Variants in ST18 observed in about 807,000 individuals in gnomAD.
ST18 encodes suppression of tumorigenicity 18 protein.
Under a neutral mutation model 110.0 loss-of-function variants are expected in ST18, and 50 were observed. The observed-to-expected ratio is 0.45, with a 90% CI of 0.36 to 0.58. ST18 has a LOEUF of 0.58. ST18 is among the 20% of genes least tolerant of loss of function. The pLI, the probability that ST18 is intolerant of heterozygous loss-of-function variation, is 0.00. For synonymous variants in ST18, 461 were observed against 452.4 expected, an observed-to-expected ratio of 1.02 and a Z score of -0.24; for missense variants, 1,306 against 1,280.1, an observed-to-expected ratio of 1.02 and a Z score of -0.31.
At chr8:52,234,088 A>T (rs1303222249) in intron 2 of ST18, among the ~76,000 whole-genome samples, 2 of 152,146 alleles carry the variant, frequency 1.3e-5, no homozygotes, top group Non-Finnish European at 2.9e-5. Context: ...CAGATTATGT[A>T]TTTTTTGGCT....
rs1031635600 is a variant in ST18 at position 52,167,059 on chromosome 8, C to A, written c.1070-73G>T. On this transcript the variant is annotated intron_variant, in intron 10 of 25. Coordinates refer to ENST00000689386, the MANE Select transcript of ST18 (RefSeq NM_001352837.2). ...CTTCCCATTCAATAGAATGGCCTTGCAGGGTGACATTCTCACTTTATTCAG... is the reference window on the plus strand; with the variant it reads ...CTTCCCATTCAATAGAATGGCCTTGAAGGGTGACATTCTCACTTTATTCAG... 3.9e-6 allele frequency: 6 copies of A among 1,519,098 alleles called. No homozygotes were observed. In the East Asian group the frequency reaches 1.4e-4, roughly 35 times the overall value. The allele number at this position is 1,519,098 out of a possible 1,614,324, so 94.1% of individuals were successfully genotyped here. A position where few individuals can be genotyped will look rare whatever the true frequency, so the allele number is the denominator to read the frequency against.
intron 2 of ST18, among the ~76,000 whole-genome samples, chr8:52,259,642 T>G (rs1394150022): frequency 6.6e-6 from 1 of 152,208 alleles, no homozygotes; most frequent in Non-Finnish European, 1.5e-5. Context: ...CTTATTCTAG[T>G]GCTTATATTA....
At chr8:52,139,806 T>C (rs182767094) in intron 17 of ST18, among the ~76,000 whole-genome samples, 15 of 152,310 alleles carry the variant, frequency 9.8e-5, no homozygotes, top group Admixed American at 7.2e-4. Flanking sequence ...AGTTTGGTTG[T>C]ATTAAAAGGT....
chr8:52,122,539 G>A, intron 23 of ST18, among the ~76,000 whole-genome samples: 1 of 151,966 alleles, frequency 6.6e-6, no homozygotes, highest in African/African-American at 2.4e-5. Flanking sequence ...CTGGAGTGCA[G>A]TGGCACGATC....
intron 22 of ST18, among the ~76,000 whole-genome samples, chr8:52,130,098 G>T (rs867851993): frequency 3.0e-5 from 2 of 67,134 alleles, no homozygotes; most frequent in African/African-American, 1.2e-4. Context: ...GAAAGAAAAA[G>T]AAAGAAAGAA....
intron 5 of ST18, among the ~76,000 whole-genome samples, chr8:52,219,522 T>C (rs1280592190): frequency 6.6e-6 from 1 of 152,226 alleles, no homozygotes; most frequent in Non-Finnish European, 1.5e-5. Context: ...CCTCTTATTT[T>C]ACTGTCTTTG....
chr8:52,363,206 A>G (rs1156551721), intron 2 of ST18, among the ~76,000 whole-genome samples: 1 of 152,082 alleles, frequency 6.6e-6, no homozygotes, highest in East Asian at 1.9e-4. Context: ...GCGAGACTCC[A>G]TCTCAAAAAA....
At chr8:52,330,337 A>G (rs930279873) in intron 2 of ST18, among the ~76,000 whole-genome samples, 3 of 152,198 alleles carry the variant, frequency 2.0e-5, no homozygotes, top group Admixed American at 2.0e-4. Flanking sequence ...GGCGTTAATT[A>G]ATTAATACTA....
intron 2 of ST18, among the ~76,000 whole-genome samples, chr8:52,375,063 C>T (rs1158644638): frequency 1.3e-5 from 2 of 152,072 alleles, no homozygotes; most frequent in Non-Finnish European, 2.9e-5. Flanking sequence ...TCAACTTGAT[C>T]CTGTCTCCCC....
intron 2 of ST18, among the ~76,000 whole-genome samples, chr8:52,283,500 A>G (rs750037657): frequency 2.0e-5 from 3 of 152,198 alleles, no homozygotes; most frequent in Non-Finnish European, 4.4e-5. Flanking sequence ...GAAAATGAGG[A>G]GATGGCAGTG....
At chr8:52,351,077 T>C (rs925730178) in intron 2 of ST18, among the ~76,000 whole-genome samples, 2 of 152,160 alleles carry the variant, frequency 1.3e-5, no homozygotes, top group African/African-American at 4.8e-5. Flanking sequence ...AGATAATAAG[T>C]CTGTCTTGGT....
intron 5 of ST18, 27 bp from the exon 6 acceptor site, chr8:52,217,928 A>G (rs925431142): frequency 1.3e-5 from 2 of 152,210 alleles, no homozygotes; most frequent in Non-Finnish European, 2.9e-5. Context: ...AAGAGATTCA[A>G]GGAGCAGGAC....
chr8:52,345,432 G>C (rs915647252), intron 2 of ST18, among the ~76,000 whole-genome samples: 4 of 152,270 alleles, frequency 2.6e-5, no homozygotes, highest in African/African-American at 9.6e-5. Flanking sequence ...GCAGATGAGA[G>C]AGGATGGATG....
At chr8:52,221,005 A>C (rs2086441702) in intron 4 of ST18, among the ~76,000 whole-genome samples, 157 bp from the exon 5 acceptor site, 1 of 152,290 alleles carries the variant, frequency 6.6e-6, no homozygotes, top group East Asian at 1.9e-4. Context: ...TTTTTATACT[A>C]TGTATCAATG....
At chr8:52,280,894 C>G (rs73679030) in intron 2 of ST18, among the ~76,000 whole-genome samples, 1 of 151,770 alleles carries the variant, frequency 6.6e-6, no homozygotes, top group African/African-American at 2.4e-5. Flanking sequence ...CACATATACC[C>G]CCAGTATTCT....
intron 2 of ST18, among the ~76,000 whole-genome samples, chr8:52,275,441 C>A (rs2095213639): frequency 1.3e-5 from 2 of 152,150 alleles, no homozygotes; most frequent in South Asian, 4.1e-4. Context: ...TGTCTCAGGG[C>A]ATTTGGTGTG....
chr8:52,119,740 G>C (rs1258726707), intron 23 of ST18, among the ~76,000 whole-genome samples: 2 of 152,110 alleles, frequency 1.3e-5, no homozygotes, highest in African/African-American at 4.8e-5. Flanking sequence ...GTAATTTAGT[G>C]CGAAGAGAAA....
chr8:52,351,193 A>G (rs898610797), intron 2 of ST18, among the ~76,000 whole-genome samples: 1 of 152,220 alleles, frequency 6.6e-6, no homozygotes, highest in Non-Finnish European at 1.5e-5. Context: ...TATGAAATGG[A>G]TCATTTCAGA....
chr8:52,168,755 G>T (rs1298404875), intron 10 of ST18, among the ~76,000 whole-genome samples: 2 of 152,106 alleles, frequency 1.3e-5, no homozygotes, highest in African/African-American at 4.8e-5. Flanking sequence ...TAAGAGTTTT[G>T]TGATGCTCCA....
Sources: allele counts gnomAD v4.1 joint callset (sites outside exome capture counted in the v4.1 genomes callset), GRCh38; gene constraint gnomAD v4.1.1; transcripts MANE v1.5; gene names NCBI Gene and HGNC (gene_info 2026-07-23, HGNC 2026-07-21).